The following KCTD19 variants were observed in gnomAD, a reference collection of about 807,000 sequenced individuals.
The protein encoded by KCTD19 is BTB/POZ domain-containing protein KCTD19.
KCTD19 carries 67 observed loss-of-function variants against 103.5 expected under a neutral mutation model. The ratio of observed to expected loss-of-function variants is 0.65; its 90% CI spans 0.53 to 0.79. The LOEUF (loss-of-function observed/expected upper bound fraction) is 0.79, where lower values mean the gene tolerates loss of function less well. KCTD19 is among the 30% of genes least tolerant of loss of function. The pLI is 0.00. For synonymous variants in KCTD19, 439 were observed against 452.2 expected, an observed-to-expected ratio of 0.97 and a Z score of 0.37; for missense variants, 980 against 1,136.1, an observed-to-expected ratio of 0.86 and a Z score of 1.98.
At chr16:67,294,194 A>T (rs898559457) in intron 11 of KCTD19, 23 bp from the exon 12 acceptor site, 2 of 1,587,072 alleles carry the variant, frequency 1.3e-6, no homozygotes, top group African/African-American at 2.7e-5. Flanking sequence ...GGGCACAGTA[A>T]CTCTGGATAG....
At chr16:67,325,825 C>T (rs1283833511) in intron 1 of KCTD19, 1 of 152,246 alleles carries the variant, frequency 6.6e-6, no homozygotes, top group Admixed American at 6.5e-5. Context: ...AGCCCTAAAG[C>T]AGTCATCCCC....
At chr16:67,324,227 G>A (rs1436955861) in intron 1 of KCTD19, among the ~76,000 whole-genome samples, 1 of 152,036 alleles carries the variant, frequency 6.6e-6, no homozygotes, top group Non-Finnish European at 1.5e-5. Context: ...TCAATACGAT[G>A]GAAAAGTAGA....
intron 2 of KCTD19, among the ~76,000 whole-genome samples, chr16:67,314,980 C>T (rs1452751579): frequency 6.6e-6 from 1 of 151,618 alleles, no homozygotes; most frequent in Non-Finnish European, 1.5e-5. Context: ...CTTAGCCTCC[C>T]AAGTAGTTGG....
In KCTD19 at chr16:67,293,442, G is replaced by T; in HGVS notation, c.2218+102C>A. 2 of 1,285,696 alleles carry T rather than the reference G, an allele frequency of 1.6e-6. No individual in the cohort carries two copies. The highest frequency in any genetic ancestry group is 2.2e-6 in the Non-Finnish European group (2 of 918,960). The allele number at this position is 1,285,696 out of a possible 1,614,324, so 79.6% of individuals were successfully genotyped here. The stretch of plus-strand genomic sequence containing the variant: ...CAGAGATGGCATTGGTGAGCGGGGG[G>T]GTCTAGTCCTCCTTTGTCACTAACT... On this transcript the variant is annotated intron_variant, in intron 12 of 15. Coordinates refer to ENST00000304372, the MANE Select transcript of KCTD19 (RefSeq NM_001100915.3). The surrounding 1 kb of genome is among the most constrained non-coding windows in gnomAD (Gnocchi z 4.0).
chr16:67,295,379 C>T lies in KCTD19; in HGVS notation c.1275G>A (p.Gln425=), dbSNP rs752135379. ...LKYPELLSNP[Q]RVYWITYGQT... is the part of the protein sequence containing the mutation. ...GTCCATATGTGATCCAGTACACTCT[C>T]TGAGGGTTGGACAGCAGTTCTGGAT... Residue 425 remains glutamine (Q), a synonymous_variant, in exon 9 of 16, where the codon CAG becomes CAA. Transcript: ENST00000304372. 6.2e-7 allele frequency: 1 copy of T among 1,613,602 alleles called. No individual in the cohort carries two copies. Among genetic ancestry groups the T allele is most frequent in the Non-Finnish European group, 8.5e-7 (1 of 1,179,584 alleles).
chr16:67,294,616 T>G lies in KCTD19; in HGVS notation c.1554A>C (p.Pro518=). 1 of 1,614,024 alleles carries G rather than the reference T, an allele frequency of 6.2e-7. No homozygotes were observed. The highest frequency in any genetic ancestry group is 1.3e-5 in the African/African-American group (1 of 75,060). The change falls in exon 11 of 16, where the codon CCA becomes CCC. Residue 518 remains proline (P), a synonymous_variant. Transcript: ENST00000304372. ...CTCTACTGAACTCCACCAGTGACCC[T>G]GGCCCTTCTGTCACCACATGCAGCC... ...IRRLHVVTEG[P]GSLVEFSRDT...
In KCTD19 at chr16:67,291,461, C is replaced by T. The variant is rs753058016; in HGVS notation, c.2413G>A (p.Val805Met). The T allele has an allele frequency of 6.2e-6, 10 of 1,613,518 alleles. No individual in the cohort carries two copies. The highest frequency in any genetic ancestry group is 7.6e-6 in the Non-Finnish European group (9 of 1,179,642). The change falls in exon 14 of 16, where the codon GTG (valine) becomes ATG (methionine). Residue 805 changes from valine (V) to methionine (M), a missense_variant and splice_region_variant. Coordinates refer to ENST00000304372, the MANE Select transcript of KCTD19 (RefSeq NM_001100915.3). ...GACAGAGAGAAACTCAGGAAAGTCA[C>T]TTCTGTGGAGGAGGGAAAGTGGATG... Reference protein sequence around the residue: ...TPTASPQPQEVTFLSFSLSWE... With the variant: ...TPTASPQPQEMTFLSFSLSWE...
chr16:67,303,373 C>A lies in KCTD19; in HGVS notation c.452-36G>T, dbSNP rs757930410. The stretch of plus-strand genomic sequence containing the variant: ...ACATGCAGGCAGTGTTGCCACCTCT[C>A]AGAAGCCAGGGATCTGATTCCAGCA... On this transcript the variant is annotated intron_variant, in intron 3 of 15. Transcript: ENST00000304372. This position sits in a 1 kb window ranked among gnomAD's most constrained non-coding sequence, Gnocchi z 4.3. The A allele has an allele frequency of 6.4e-7, 1 of 1,566,084 alleles. No individual in the cohort carries two copies. The highest frequency in any genetic ancestry group is 1.4e-5 in the African/African-American group (1 of 73,582).
intron 5 of KCTD19, chr16:67,299,860 T>A: frequency 2.1e-6 from 1 of 478,362 alleles, no homozygotes. Context: ...AGCAGCCATC[T>A]GGCCCTAGCC....
chr16:67,325,376 CTTTAT>C (rs544654868), intron 1 of KCTD19, among the ~76,000 whole-genome samples: 34 of 145,604 alleles, frequency 2.3e-4, no homozygotes, highest in South Asian at 8.6e-4. Flanking sequence ...CCACGCCCGG[CTTTAT>C]TTTATTTTAT....
rs114108483 is a variant in KCTD19, at chr16:67,291,785, T to C, written c.2271A>G (p.Leu757=). Residue 757 remains leucine, a synonymous_variant, in exon 13 of 16, where the codon CTA becomes CTG. Transcript: ENST00000304372. ...PLPEASEVDS[L]GVILKVTHPP... ...GGTGAGTCACTTTGAGGATAACCCC[T>C]AGGCTGTCCACCTCACTGGCCTCGG... is the stretch of plus-strand genomic sequence containing the variant. 2.6e-3 allele frequency: 4,259 copies of C among 1,613,942 alleles called. 102 individuals are homozygous for C. In the African/African-American group the frequency reaches 0.049, roughly 19 times the overall value.
intron 2 of KCTD19, among the ~76,000 whole-genome samples, chr16:67,316,611 A>T (rs1390483402): frequency 6.6e-6 from 1 of 152,252 alleles, no homozygotes; most frequent in Non-Finnish European, 1.5e-5. Context: ...TGAAATTCCA[A>T]GAAGTCCTGG....
chr16:67,319,481 A>G (rs1260308943), intron 2 of KCTD19, among the ~76,000 whole-genome samples: 1 of 152,144 alleles, frequency 6.6e-6, no homozygotes, highest in African/African-American at 2.4e-5. Context: ...TACAGATGGT[A>G]GGATTAATAC....
In KCTD19 at chr16:67,301,702, G is replaced by A. The variant is rs144290843; in HGVS notation, c.775+89C>T. On this transcript the variant is annotated intron_variant, in intron 5 of 15. Transcript: ENST00000304372. ...ATCCTCTCACTAACCCCCAAAGCCC[G>A]AAGTGATTGTGGGAGGGAAGATTGT... 1,800 of 1,268,484 alleles carry A rather than the reference G, an allele frequency of 1.4e-3. 2 individuals carry two copies. Among genetic ancestry groups the A allele is most frequent in the Non-Finnish European group, 1.8e-3 (1,582 of 887,444 alleles). 78.6% of individuals were successfully genotyped at this position (1,268,484 alleles called of 1,614,324 possible). A position where few individuals can be genotyped will look rare whatever the true frequency, so the allele number is the denominator to read the frequency against.
In KCTD19 at chr16:67,293,471, T is replaced by C. The variant is rs2036722802; in HGVS notation, c.2218+73A>G. 1.3e-6 allele frequency: 2 copies of C among 1,524,822 alleles called. No homozygotes were observed. Among genetic ancestry groups the C allele is most frequent in the East Asian group, 2.3e-5 (1 of 44,164 alleles). 94.5% of individuals were successfully genotyped at this position (1,524,822 alleles called of 1,614,324 possible). A position where few individuals can be genotyped will look rare whatever the true frequency, so the allele number is the denominator to read the frequency against. ...TAGTCCTCCTTTGTCACTAACTTGCTCTGCCATCTTGGCCAAAGAGTTTGC... is the reference window on the plus strand; with the variant it reads ...TAGTCCTCCTTTGTCACTAACTTGCCCTGCCATCTTGGCCAAAGAGTTTGC... On this transcript the variant is annotated intron_variant, in intron 12 of 15. Transcript: ENST00000304372. This position sits in a 1 kb window ranked among gnomAD's most constrained non-coding sequence, Gnocchi z 4.0.
chr16:67,295,626 C>T (rs1302472232), intron 8 of KCTD19: 4 of 456,696 alleles, frequency 8.8e-6, no homozygotes, highest in African/African-American at 5.9e-5. Context: ...AGACCACCCT[C>T]TCAAGGCATT....
chr16:67,307,041 T>A (rs944499691), intron 2 of KCTD19, among the ~76,000 whole-genome samples: 1 of 152,226 alleles, frequency 6.6e-6, no homozygotes, highest in Non-Finnish European at 1.5e-5. Flanking sequence ...GCAACTGTTT[T>A]CTTTTTATTG....
At position 67,303,022 on chromosome 16, in the gene KCTD19, C is replaced by T; in HGVS notation, c.643+124G>A. The stretch of plus-strand genomic sequence containing the variant: ...GGAAGGCTCTGTCATGCTTCCGCTA[C>T]CTCTGCCCAGGGAAGCTCCTGAGGC... On this transcript the variant is annotated intron_variant, in intron 4 of 15. Coordinates refer to ENST00000304372, the MANE Select transcript of KCTD19 (RefSeq NM_001100915.3). The surrounding 1 kb of genome is among the most constrained non-coding windows in gnomAD (Gnocchi z 4.3). 3 of 858,342 alleles carry T rather than the reference C, an allele frequency of 3.5e-6. No individual in the cohort carries two copies. The highest frequency in any genetic ancestry group is 3.4e-5 in the African/African-American group (2 of 58,526). 53.2% of individuals were successfully genotyped at this position (858,342 alleles called of 1,614,324 possible). A position where few individuals can be genotyped will look rare whatever the true frequency, so the allele number is the denominator to read the frequency against.
At chr16:67,309,671 T>A (rs1421583748) in intron 2 of KCTD19, among the ~76,000 whole-genome samples, 1 of 152,278 alleles carries the variant, frequency 6.6e-6, no homozygotes, top group African/African-American at 2.4e-5. Flanking sequence ...ATAGTGCCTT[T>A]GAACAACTCT....
Sources: gnomAD v4.1 joint callset for allele counts (sites outside exome capture counted in the v4.1 genomes callset) on GRCh38, gnomAD v4.1.1 for gene constraint, Gnocchi (gnomAD v3.1) non-coding constraint, MANE v1.5 for transcripts, NCBI Gene and HGNC (gene_info 2026-07-23, HGNC 2026-07-21) for gene names.